The following PTPN13 variants were observed in gnomAD, a reference collection of about 807,000 sequenced individuals.
PTPN13 encodes the protein protein tyrosine phosphatase non-receptor type 13.
Under a neutral mutation model 284.0 loss-of-function variants are expected in PTPN13, and 191 were observed. That is an observed-to-expected ratio of 0.67 (90% confidence interval 0.60 to 0.76). The LOEUF (loss-of-function observed/expected upper bound fraction) is 0.76. PTPN13 is among the 30% of genes least tolerant of loss of function. The pLI, the probability that PTPN13 is intolerant of heterozygous loss-of-function variation, is 0.00. For synonymous variants in PTPN13, 986 were observed against 1,022.3 expected (o/e 0.96, Z 0.68); for missense variants, 2,797 against 2,939.9 (o/e 0.95, Z 1.12).
chr4:86,633,935 C>G (rs1722739607), intron 1 of PTPN13, among the ~76,000 whole-genome samples: 1 of 152,096 alleles, frequency 6.6e-6, no homozygotes, highest in South Asian at 2.1e-4. Flanking sequence ...TTTTTTAAAG[C>G]AGTATCTTAT....
intron 12 of PTPN13, among the ~76,000 whole-genome samples, 171 bp from the exon 13 acceptor site, chr4:86,734,132 C>T (rs1050760770): frequency 1.3e-5 from 2 of 152,176 alleles, no homozygotes; most frequent in African/African-American, 4.8e-5. Context: ...GCCATATTGC[C>T]TCCCATCTAA....
intron 1 of PTPN13, among the ~76,000 whole-genome samples, chr4:86,625,018 G>A (rs566742301): frequency 6.6e-6 from 1 of 152,110 alleles, no homozygotes; most frequent in Admixed American, 6.6e-5. Context: ...GCCAATGAAT[G>A]AGGCCATTAG....
intron 15 of PTPN13, 85 bp downstream of exon 15, chr4:86,735,831 A>C: frequency 8.2e-7 from 1 of 1,225,774 alleles, no homozygotes; most frequent in Non-Finnish European, 1.1e-6. Context: ...CTAAGAGTTC[A>C]AGTGCCAGTA....
chr4:86,660,431 A>G (rs1043078468), intron 2 of PTPN13, among the ~76,000 whole-genome samples: 1 of 152,186 alleles, frequency 6.6e-6, no homozygotes, highest in South Asian at 2.1e-4. Context: ...TAGGAAATAT[A>G]GAAAGTTTTT....
chr4:86,751,213 G>T (rs901295815), intron 19 of PTPN13, 89 bp downstream of exon 19: 1 of 997,554 alleles, frequency 1.0e-6, no homozygotes, highest in Non-Finnish European at 1.5e-6. Flanking sequence ...AATTATTTTG[G>T]GTTCCATGTC....
intron 2 of PTPN13, among the ~76,000 whole-genome samples, chr4:86,662,651 C>T (rs1726643638): frequency 6.6e-6 from 1 of 152,112 alleles, no homozygotes; most frequent in Non-Finnish European, 1.5e-5. Flanking sequence ...AAAAAGAAAC[C>T]ACTTTTAAGC....
chr4:86,648,587 C>G (rs898126225), intron 2 of PTPN13, among the ~76,000 whole-genome samples: 2 of 152,100 alleles, frequency 1.3e-5, no homozygotes, highest in East Asian at 1.9e-4. Context: ...CAAATAATAT[C>G]TGTTGTGTAT....
rs372963012 is a variant in PTPN13 at position 86,734,544 on chromosome 4, A to G, written c.2012+88A>G. On this transcript the variant is annotated intron_variant, in intron 13 of 47. Transcript: ENST00000411767. ...ACTGATACTGAATTACTTGATTCCA[A>G]TCAATGATAATGTCTGCTTTATCAT... is the stretch of plus-strand genomic sequence containing the variant. 93 of 1,301,326 alleles carry G rather than the reference A, an allele frequency of 7.1e-5. No homozygotes were observed. The African/African-American group carries it at 1.0e-3, about 15-fold the overall frequency. The allele number at this position is 1,301,326 out of a possible 1,614,324, so 80.6% of individuals were successfully genotyped here.
At chr4:86,780,380 G>T in intron 35 of PTPN13, 22 bp from the exon 36 acceptor site, 1 of 1,589,826 alleles carries the variant, frequency 6.3e-7, no homozygotes, top group Non-Finnish European at 8.6e-7. Flanking sequence ...ACAATTTACA[G>T]TTGTCTTTTT....
chr4:86,636,476 T>G (rs1723034204), intron 2 of PTPN13, among the ~76,000 whole-genome samples: 2 of 152,104 alleles, frequency 1.3e-5, no homozygotes, highest in African/African-American at 4.8e-5. Flanking sequence ...CTAAAATTGA[T>G]TTGAATGCAT....
intron 3 of PTPN13, among the ~76,000 whole-genome samples, chr4:86,673,649 CA>C (rs1018273196): frequency 2.0e-5 from 3 of 152,160 alleles, no homozygotes. Flanking sequence ...TTAAATTTGA[CA>C]AAAGTAGATA....
chr4:86,804,391 C>T (rs1578720741), intron 43 of PTPN13, among the ~76,000 whole-genome samples: 1 of 152,194 alleles, frequency 6.6e-6, no homozygotes, highest in Non-Finnish European at 1.5e-5. Flanking sequence ...ACTTCCTAAG[C>T]TTTGTAGCCA....
chr4:86,617,549 A>G (rs968668054), intron 1 of PTPN13, among the ~76,000 whole-genome samples: 3 of 152,094 alleles, frequency 2.0e-5, no homozygotes, highest in Non-Finnish European at 2.9e-5. Context: ...AGCATTAGGT[A>G]TATCTCCTAA....
intron 1 of PTPN13, among the ~76,000 whole-genome samples, chr4:86,597,757 G>A (rs1206215761): frequency 6.6e-6 from 1 of 152,138 alleles, no homozygotes; most frequent in Non-Finnish European, 1.5e-5. Context: ...CCATTTCTTA[G>A]GATAAAAAGA....
chr4:86,758,528 C>T (rs1325195018), intron 21 of PTPN13, 150 bp from the exon 22 acceptor site: 1 of 907,962 alleles, frequency 1.1e-6, no homozygotes. Flanking sequence ...TAAGAAATGC[C>T]TACAAGAAAT....
rs1216768255 is a variant in PTPN13 at position 86,796,883 on chromosome 4, A to G, written c.6355A>G (p.Met2119Val). 3.4e-6 allele frequency: 5 copies of G among 1,486,534 alleles called. No individual in the cohort carries two copies. Among genetic ancestry groups the G allele is most frequent in the East Asian group, 2.3e-5 (1 of 43,060 alleles). The allele number at this position is 1,486,534 out of a possible 1,614,324, so 92.1% of individuals were successfully genotyped here. A position where few individuals can be genotyped will look rare whatever the true frequency, so the allele number is the denominator to read the frequency against. The change falls in exon 41 of 48, where the codon ATG becomes GTG. Residue 2119 changes from methionine (M) to valine (V), a missense_variant. Physicochemically the swap from Met to Val is conservative, Grantham distance 21. Transcript: ENST00000411767. Reference sequence around the variant, plus strand: ...TATATTTTTATTGTAGGCCACCAAAATGAATGGCTGTGAAGAATATTGTGA... The same window carrying G: ...TATATTTTTATTGTAGGCCACCAAAGTGAATGGCTGTGAAGAATATTGTGA... Reference protein sequence around the residue: ...LPEYFTEATKMNGCEEYCEEK... With the variant: ...LPEYFTEATKVNGCEEYCEEK...
Position 86,751,109 on chromosome 4 carries a change from C to A in PTPN13, c.3151C>A (p.Gln1051Lys). ...CTCCTCATCCATTGAAGACCCTGGG[C>A]AAGCATATGTTCTAGGTCAGCAAAA... is the stretch of plus-strand genomic sequence containing the variant. ...SDSSSIEDPGQAYVLGMTMHS... is the reference protein window; with the variant it reads ...SDSSSIEDPGKAYVLGMTMHS... Residue 1051 changes from glutamine to lysine, a missense_variant, in exon 19 of 48, where the codon CAA becomes AAA. Gln to Lys is a moderately conservative substitution (Grantham distance 53). Transcript: ENST00000411767. 6.3e-7 allele frequency: 1 copy of A among 1,596,656 alleles called. No individual in the cohort carries two copies. The highest frequency in any genetic ancestry group is 8.6e-7 in the Non-Finnish European group (1 of 1,164,658).
At chr4:86,693,928 C>A (rs1166108647) in intron 6 of PTPN13, among the ~76,000 whole-genome samples, 1 of 151,712 alleles carries the variant, frequency 6.6e-6, no homozygotes, top group East Asian at 1.9e-4. Flanking sequence ...ATTGGTATAT[C>A]AATAATAATA....
At chr4:86,789,722 A>C (rs1742393720) in intron 40 of PTPN13, among the ~76,000 whole-genome samples, 1 of 152,130 alleles carries the variant, frequency 6.6e-6, no homozygotes, top group Admixed American at 6.5e-5. Context: ...CCTCTTCCAA[A>C]GGTCCTTCAG....
Sources: allele counts gnomAD v4.1 joint callset (sites outside exome capture counted in the v4.1 genomes callset), GRCh38; gene constraint gnomAD v4.1.1; transcripts MANE v1.5; gene names NCBI Gene and HGNC (gene_info 2026-07-23, HGNC 2026-07-21).